The following GPHN variants were observed in gnomAD, a reference collection of about 807,000 sequenced individuals.
The protein encoded by GPHN is gephyrin.
Under a neutral mutation model 95.5 loss-of-function variants are expected in GPHN, and 17 were observed. That is an observed-to-expected ratio of 0.18 (90% CI 0.12 to 0.27). The LOEUF (loss-of-function observed/expected upper bound fraction) is 0.27. GPHN is among the 10% of genes least tolerant of loss of function. GPHN has a pLI of 1.00. For missense variants in GPHN, 660 were observed against 978.1 expected (o/e 0.67, Z 4.34); for synonymous variants, 320 against 322.5 (o/e 0.99, Z 0.08).
chr14:66,932,459 T>TTTTG (rs1567118461), intron 8 of GPHN, among the ~76,000 whole-genome samples: 2,309 of 116,418 alleles, frequency 0.02, 99 homozygotes, highest in Non-Finnish European at 0.036. Flanking sequence ...TTTTTTTTTT[T>TTTTG]TTTTTTTTTT....
At chr14:66,527,660 C>T (rs568543673) in intron 1 of GPHN, among the ~76,000 whole-genome samples, 46 of 151,970 alleles carry the variant, frequency 3.0e-4, no homozygotes, top group East Asian at 7.7e-4. Flanking sequence ...GATTCTGGTA[C>T]GTTGTGTCTT....
chr14:66,510,220 AT>A (rs1479114140), intron 1 of GPHN, among the ~76,000 whole-genome samples: 1 of 152,218 alleles, frequency 6.6e-6, no homozygotes, highest in Non-Finnish European at 1.5e-5. Context: ...TATATCTTTT[AT>A]CTACCCTCAA....
At chr14:67,002,045 GTGT>G (rs1288557397) in intron 9 of GPHN, among the ~76,000 whole-genome samples, 4 of 151,464 alleles carry the variant, frequency 2.6e-5, no homozygotes. Context: ...TTCCCAACCA[GTGT>G]TCTTCAGCTA....
chr14:67,671,861 C>A, the GPHN span, among the ~76,000 whole-genome samples: 1 of 152,212 alleles, frequency 6.6e-6, no homozygotes, highest in Non-Finnish European at 1.5e-5. Context: ...ACTCTCTCAA[C>A]AACCAAGCCA....
At chr14:67,474,915 T>C in the GPHN span, among the ~76,000 whole-genome samples, 1 of 33,664 alleles carries the variant, frequency 3.0e-5, no homozygotes, top group Non-Finnish European at 5.4e-5. Context: ...AATTTCCTTC[T>C]TTTTTTTTTT....
At chr14:67,279,277 CTGT>C in the GPHN span, 3 of 1,613,792 alleles carry the variant, frequency 1.9e-6, no homozygotes, top group Non-Finnish European at 2.5e-6. Flanking sequence ...CGAGAGATGG[CTGT>C]TGACTGCCCT....
At chr14:67,541,892 C>T in the GPHN span, 1 of 1,602,458 alleles carries the variant, frequency 6.2e-7, no homozygotes, top group Non-Finnish European at 8.5e-7. Flanking sequence ...GGTGGAGGCG[C>T]CGGCCAGCGT....
At chr14:66,713,398 T>TC (rs765080522) in intron 2 of GPHN, among the ~76,000 whole-genome samples, 108 of 152,314 alleles carry the variant, frequency 7.1e-4, no homozygotes, top group Non-Finnish European at 1.4e-3. Flanking sequence ...GGGTGTCCTT[T>TC]CCCCACTTTA....
chr14:66,771,452 G>A (rs538581541), intron 2 of GPHN, among the ~76,000 whole-genome samples: 7 of 152,202 alleles, frequency 4.6e-5, no homozygotes, highest in South Asian at 2.1e-4. Context: ...GCGAGAACTC[G>A]CTCGACCAGT....
intron 1 of GPHN, among the ~76,000 whole-genome samples, chr14:66,565,759 A>G (rs1188624948): frequency 6.6e-6 from 1 of 152,188 alleles, no homozygotes; most frequent in Admixed American, 6.5e-5. Flanking sequence ...GTAGCAAAGG[A>G]TATTATGTAA....
At chr14:66,522,990 G>C (rs184823686) in intron 1 of GPHN, among the ~76,000 whole-genome samples, 3 of 152,102 alleles carry the variant, frequency 2.0e-5, no homozygotes, top group Non-Finnish European at 2.9e-5. Flanking sequence ...GGAAAGTTGA[G>C]TAGATGATCT....
the GPHN span, chr14:67,383,445 G>A: frequency 6.2e-7 from 1 of 1,612,518 alleles, no homozygotes; most frequent in Non-Finnish European, 8.5e-7. Context: ...GATTAACTTT[G>A]TGGGAAACAG....
At chr14:67,285,361 G>C in the GPHN span, among the ~76,000 whole-genome samples, 1 of 147,498 alleles carries the variant, frequency 6.8e-6, no homozygotes, top group African/African-American at 2.6e-5. Flanking sequence ...AGATTCCTTA[G>C]GTAAATTTTT....
the GPHN span, chr14:67,447,867 A>T: frequency 6.6e-6 from 1 of 152,102 alleles, no homozygotes; most frequent in Non-Finnish European, 1.5e-5. Flanking sequence ...TGGCCATTAG[A>T]GCTGGGGAGG....
At chr14:67,726,938 C>A in the GPHN span, 2 of 1,571,132 alleles carry the variant, frequency 1.3e-6, no homozygotes, top group African/African-American at 1.3e-5. Context: ...TGAGCCTGGG[C>A]TGTCATTCCA....
At chr14:67,029,096 C>T (rs2074061714) in intron 10 of GPHN, among the ~76,000 whole-genome samples, 1 of 152,108 alleles carries the variant, frequency 6.6e-6, no homozygotes, top group Non-Finnish European at 1.5e-5. Context: ...ATCCAGTTTT[C>T]CCAGCACCAT....
chr14:67,563,581 G>A, the GPHN span, among the ~76,000 whole-genome samples: 1 of 151,274 alleles, frequency 6.6e-6, no homozygotes, highest in Non-Finnish European at 1.5e-5. Flanking sequence ...TTACAGGCAT[G>A]CACCACCACG....
At chr14:67,026,621 T>G (rs1327825336) in intron 10 of GPHN, among the ~76,000 whole-genome samples, 1 of 152,116 alleles carries the variant, frequency 6.6e-6, no homozygotes, top group Non-Finnish European at 1.5e-5. Context: ...CTTGATTTTA[T>G]AGCCCACATT....
At chr14:67,190,149 A>G in the GPHN span, among the ~76,000 whole-genome samples, 1 of 147,318 alleles carries the variant, frequency 6.8e-6, no homozygotes, top group Non-Finnish European at 1.5e-5. Context: ...TCCTGACCTC[A>G]GGTGATCTAC....
Sources: gnomAD v4.1 joint callset for allele counts (sites outside exome capture counted in the v4.1 genomes callset) on GRCh38, gnomAD v4.1.1 for gene constraint, MANE v1.5 for transcripts, NCBI Gene and HGNC (gene_info 2026-07-23, HGNC 2026-07-21) for gene names.